The following AOPEP variants were observed in gnomAD, a reference collection of about 807,000 sequenced individuals.
The protein encoded by AOPEP is aminopeptidase O.
AOPEP carries 77 observed loss-of-function variants against 98.1 expected under a neutral mutation model. The observed-to-expected ratio is 0.78, with a 90% CI of 0.65 to 0.95. The LOEUF (loss-of-function observed/expected upper bound fraction) is 0.95. Ranked by LOEUF, AOPEP falls within the 40% of genes least tolerant of loss-of-function variation. The probability of loss-of-function intolerance (pLI) is 0.00; values close to 1 mark genes in which losing one functional copy is unlikely to be tolerated. For missense variants in AOPEP, 1,024 were observed against 1,024.7 expected, an observed-to-expected ratio of 1.00 and a Z score of 0.01; for synonymous variants, 346 against 365.3, an observed-to-expected ratio of 0.95 and a Z score of 0.60.
chr9:95,009,624 G>A (rs563575088), intron 13 of AOPEP, among the ~76,000 whole-genome samples: 104 of 152,290 alleles, frequency 6.8e-4, no homozygotes, highest in African/African-American at 2.4e-3. Flanking sequence ...GTTTCCAAGC[G>A]AGTGGTCTTG....
chr9:95,100,502 G>GC, the AOPEP span: 1 of 232,080 alleles, frequency 4.3e-6, no homozygotes, highest in Non-Finnish European at 8.5e-6. Flanking sequence ...ATGGACAAAA[G>GC]CAAGTCTTGA....
At chr9:95,140,566 G>A in the AOPEP span, among the ~76,000 whole-genome samples, 3 of 152,176 alleles carry the variant, frequency 2.0e-5, no homozygotes, top group Non-Finnish European at 4.4e-5. Context: ...CTGAGAGGTT[G>A]TGTTCTAAAG....
At chr9:95,140,924 C>T in the AOPEP span, among the ~76,000 whole-genome samples, 4 of 152,060 alleles carry the variant, frequency 2.6e-5, no homozygotes, top group Admixed American at 6.6e-5. Context: ...ACCAGAATGT[C>T]TGGCAATTAC....
chr9:95,114,631 A>G, the AOPEP span: 8 of 1,613,672 alleles, frequency 5.0e-6, no homozygotes, highest in Admixed American at 1.7e-5. Flanking sequence ...TTGCTCACCC[A>G]TGAGTCTGGT....
chr9:95,057,110 G>A (rs1222688097), intron 13 of AOPEP, among the ~76,000 whole-genome samples: 3 of 152,160 alleles, frequency 2.0e-5, no homozygotes, highest in African/African-American at 7.2e-5. Context: ...CAGAAATAAA[G>A]GCAAGTTCTT....
At chr9:95,119,785 C>T in the AOPEP span, among the ~76,000 whole-genome samples, 54 of 152,302 alleles carry the variant, frequency 3.5e-4, no homozygotes, top group African/African-American at 1.3e-3. Context: ...GATCACAGCT[C>T]ACTGAAGCCT....
At chr9:94,786,162 A>G (rs1588202597) in intron 3 of AOPEP, among the ~76,000 whole-genome samples, 1 of 152,202 alleles carries the variant, frequency 6.6e-6, no homozygotes, top group Non-Finnish European at 1.5e-5. Flanking sequence ...ACAGCACCTA[A>G]TGTTTCTTGA....
chr9:94,828,055 G>A (rs1661570547), intron 5 of AOPEP, among the ~76,000 whole-genome samples: 2 of 152,210 alleles, frequency 1.3e-5, no homozygotes, highest in Non-Finnish European at 2.9e-5. Context: ...CAGAAGGCGA[G>A]GGAAGCAGGG....
chr9:94,944,695 A>T (rs1385133017), intron 7 of AOPEP, among the ~76,000 whole-genome samples: 1 of 152,130 alleles, frequency 6.6e-6, no homozygotes, highest in South Asian at 2.1e-4. Flanking sequence ...CTCCCAAAGT[A>T]AGAAGTAGAT....
At chr9:95,047,176 ACCTG>A (rs2065929597) in intron 13 of AOPEP, among the ~76,000 whole-genome samples, 1 of 152,350 alleles carries the variant, frequency 6.6e-6, no homozygotes, top group East Asian at 1.9e-4. Context: ...AGCCATACTT[ACCTG>A]AAGTGTTTTA....
chr9:94,770,476 A>T (rs761856023), intron 2 of AOPEP, among the ~76,000 whole-genome samples: 4 of 152,118 alleles, frequency 2.6e-5, no homozygotes, highest in Non-Finnish European at 5.9e-5. Context: ...AGGTGTCTCA[A>T]GGTGTGCCAG....
intron 14 of AOPEP, among the ~76,000 whole-genome samples, chr9:95,064,557 G>A (rs1587870032): frequency 6.6e-6 from 1 of 152,210 alleles, no homozygotes; most frequent in African/African-American, 2.4e-5. Flanking sequence ...CCAAAGTGCT[G>A]GGATTACAGG....
At chr9:95,080,906 C>G in intron 15 of AOPEP, 126 bp downstream of exon 15, 1 of 727,220 alleles carries the variant, frequency 1.4e-6, no homozygotes, top group Non-Finnish European at 2.4e-6. Flanking sequence ...TTCTTAAGGA[C>G]TGGTGGGATC....
At chr9:94,934,174 C>G (rs1468302349) in intron 7 of AOPEP, among the ~76,000 whole-genome samples, 2 of 152,136 alleles carry the variant, frequency 1.3e-5, no homozygotes, top group Non-Finnish European at 2.9e-5. Context: ...TCCTGGGGCC[C>G]CTGCCCAGTG....
intron 2 of AOPEP, among the ~76,000 whole-genome samples, chr9:94,771,661 C>T (rs1468754184): frequency 1.3e-5 from 2 of 152,072 alleles, no homozygotes; most frequent in Admixed American, 1.3e-4. Context: ...TACGTTACTT[C>T]TGTAACGTAT....
chr9:94,762,482 C>T (rs1396713343), intron 2 of AOPEP, among the ~76,000 whole-genome samples: 1 of 151,894 alleles, frequency 6.6e-6, no homozygotes, highest in East Asian at 1.9e-4. Context: ...TAAAGAGGTC[C>T]TTGGGCACAT....
At chr9:95,119,510 C>T in the AOPEP span, among the ~76,000 whole-genome samples, 1 of 151,796 alleles carries the variant, frequency 6.6e-6, no homozygotes, top group South Asian at 2.1e-4. Flanking sequence ...GGACTAAAGG[C>T]ACATGCCACT....
chr9:94,768,033 G>T (rs78441532), intron 2 of AOPEP, among the ~76,000 whole-genome samples: 5,861 of 152,302 alleles, frequency 0.038, 360 homozygotes, highest in African/African-American at 0.13. Context: ...TGTAATCTAG[G>T]TTTAATGAGA....
chr9:95,134,424 C>T, the AOPEP span, among the ~76,000 whole-genome samples: 5 of 152,130 alleles, frequency 3.3e-5, no homozygotes, highest in African/African-American at 4.8e-5. Flanking sequence ...CCCAGTGTCC[C>T]GGCCACTAAC....
Sources: gnomAD v4.1 joint callset for allele counts (sites outside exome capture counted in the v4.1 genomes callset) on GRCh38, gnomAD v4.1.1 for gene constraint, MANE v1.5 for transcripts, NCBI Gene and HGNC (gene_info 2026-07-23, HGNC 2026-07-21) for gene names.